FRMD3: variants seen among roughly 807,000 people sequenced by gnomAD.
The protein encoded by FRMD3 is FERM domain-containing protein 3.
Under a neutral mutation model 70.2 loss-of-function variants are expected in FRMD3, and 33 were observed. The ratio of observed to expected loss-of-function variants is 0.47; its 90% CI spans 0.36 to 0.63. The LOEUF (loss-of-function observed/expected upper bound fraction) is 0.63, where lower values mean the gene tolerates loss of function less well. Ranked by LOEUF, FRMD3 falls within the 20% of genes least tolerant of loss-of-function variation. The pLI, the probability that FRMD3 is intolerant of heterozygous loss-of-function variation, is 0.00. For missense variants in FRMD3, 632 were observed against 711.4 expected (o/e 0.89, Z 1.27); for synonymous variants, 279 against 255.9 (o/e 1.09, Z -0.86).
chr9:83,244,872 CACAG>C lies in FRMD3; in HGVS notation c.*3042_*3045del, dbSNP rs1188385833. The C allele has an allele frequency of 1.9e-5, 19 of 983,304 alleles. No individual in the cohort carries two copies. In the South Asian group the frequency reaches 2.3e-4, roughly 12 times the overall value. 60.9% of individuals were successfully genotyped at this position (983,304 alleles called of 1,614,324 possible). A position where few individuals can be genotyped will look rare whatever the true frequency, so the allele number is the denominator to read the frequency against. On this transcript the variant is annotated 3_prime_UTR_variant, in exon 14 of 14. Coordinates refer to ENST00000304195, the MANE Select transcript of FRMD3 (RefSeq NM_174938.6). Reference sequence around the variant, plus strand: ...ATAACATTTTACAATATTTTTCAAGCACAGACAAATACATACTTTACTTTACCTA... The same window carrying C: ...ATAACATTTTACAATATTTTTCAAGCACAAATACATACTTTACTTTACCTA...
chr9:83,383,534 T>C (rs1354401065), intron 2 of FRMD3, among the ~76,000 whole-genome samples: 2 of 152,258 alleles, frequency 1.3e-5, no homozygotes, highest in Non-Finnish European at 2.9e-5. Context: ...TAAGACTAAT[T>C]TGAAACTTCC....
chr9:83,480,011 G>A (rs1183004992), intron 1 of FRMD3, among the ~76,000 whole-genome samples: 1 of 152,106 alleles, frequency 6.6e-6, no homozygotes, highest in Non-Finnish European at 1.5e-5. Context: ...ATAAATTAGT[G>A]CAACCTTTGA....
downstream of FRMD3, among the ~76,000 whole-genome samples, chr9:83,244,112 G>A (rs11139994): frequency 0.22 from 31,972 of 147,342 alleles, 3,646 homozygotes; most frequent in Admixed American, 0.26. Context: ...TGGGCAACAA[G>A]AGCAAAACTC....
At position 83,364,193 on chromosome 9, in the gene FRMD3, C is replaced by T. The variant is rs543055597; in HGVS notation, c.295+8720G>A. 4.6e-5 allele frequency among the ~76,000 whole-genome samples: 7 copies of T among 152,260 alleles called. No homozygotes were observed. In the South Asian group the frequency reaches 1.5e-3, roughly 32 times the overall value. On this transcript the variant is annotated intron_variant, in intron 3 of 13. Coordinates refer to ENST00000304195, the MANE Select transcript of FRMD3 (RefSeq NM_174938.6). ...ATATTACTACTCGTTATATGTTTGGCAAATGTTCTTCCCATTATTTTCCCT... is the reference window on the plus strand; with the variant it reads ...ATATTACTACTCGTTATATGTTTGGTAAATGTTCTTCCCATTATTTTCCCT...
At chr9:83,559,830 T>C in the FRMD3 span, among the ~76,000 whole-genome samples, 1 of 152,094 alleles carries the variant, frequency 6.6e-6, no homozygotes, top group African/African-American at 2.4e-5. Flanking sequence ...AGAAGTGAAA[T>C]TGTTTCTCAT....
chr9:83,302,862 C>T (rs191363044), intron 10 of FRMD3, among the ~76,000 whole-genome samples: 38 of 152,300 alleles, frequency 2.5e-4, no homozygotes, highest in African/African-American at 2.4e-4. Context: ...AACAGCAATT[C>T]GCTCTCCTAC....
chr9:83,340,434 C>T (rs558098430), intron 5 of FRMD3, among the ~76,000 whole-genome samples: 4 of 152,234 alleles, frequency 2.6e-5, no homozygotes, highest in East Asian at 1.9e-4. Flanking sequence ...GAAAGAATGA[C>T]GTGCAGGAGG....
intron 13 of FRMD3, chr9:83,267,208 T>C (rs931332221): frequency 6.5e-7 from 1 of 1,548,996 alleles, no homozygotes; most frequent in African/African-American, 1.4e-5. Context: ...TAACAGTCCA[T>C]TCTGTTTTAA....
At chr9:83,276,196 A>T (rs1341931379) in intron 13 of FRMD3, 2 of 152,192 alleles carry the variant, frequency 1.3e-5, no homozygotes, top group African/African-American at 4.8e-5. Context: ...GAAATGGATA[A>T]CAACACTGAA....
intron 3 of FRMD3, among the ~76,000 whole-genome samples, chr9:83,371,680 C>T (rs1824978478): frequency 6.6e-6 from 1 of 152,206 alleles, no homozygotes; most frequent in Non-Finnish European, 1.5e-5. Context: ...TCCAGCCCCA[C>T]CCCAACTCTG....
At chr9:83,562,986 G>GAA in the FRMD3 span, among the ~76,000 whole-genome samples, 936 of 123,134 alleles carry the variant, frequency 7.6e-3, 13 homozygotes, top group African/African-American at 0.025. Context: ...GTGATTAAAT[G>GAA]AAAAAAAAAA....
chr9:83,546,904 A>AAAAAAAAAAAG, the FRMD3 span, among the ~76,000 whole-genome samples: 1 of 149,674 alleles, frequency 6.7e-6, no homozygotes, highest in Non-Finnish European at 1.5e-5. Flanking sequence ...AAAAAAAAAA[A>AAAAAAAAAAAG]GAGTATAGAT....
At chr9:83,437,175 T>C (rs961157455) in intron 1 of FRMD3, among the ~76,000 whole-genome samples, 2 of 152,250 alleles carry the variant, frequency 1.3e-5, no homozygotes, top group Non-Finnish European at 2.9e-5. Context: ...TAATATTTGC[T>C]AATCTTAAAG....
At position 83,435,757 on chromosome 9, in the gene FRMD3, T is replaced by C. The variant is rs576375050; in HGVS notation, c.148-46049A>G. ...AGAATGACTTTGTTTAAAATTGAGA[T>C]GTTTTTAGGGGCTTGTTTCAAATGG... On this transcript the variant is annotated intron_variant, in intron 1 of 13. Coordinates refer to ENST00000304195, the MANE Select transcript of FRMD3 (RefSeq NM_174938.6). Among the ~76,000 whole-genome samples the C allele has an allele frequency of 5.3e-5, 8 of 152,356 alleles. No individual in the cohort carries two copies. In the South Asian group the frequency reaches 1.4e-3, roughly 28 times the overall value.
chr9:83,377,497 A>T (rs1156819034), intron 2 of FRMD3, among the ~76,000 whole-genome samples: 2 of 151,880 alleles, frequency 1.3e-5, no homozygotes, highest in African/African-American at 4.9e-5. Context: ...GTGGGGCCTG[A>T]TGGGGAGTGA....
At chr9:83,503,993 G>T (rs1041401834) in intron 1 of FRMD3, among the ~76,000 whole-genome samples, 2 of 152,174 alleles carry the variant, frequency 1.3e-5, no homozygotes, top group Admixed American at 1.3e-4. Context: ...GGGCGGGAGT[G>T]GGGAGGTGGT....
chr9:83,298,999 G>C (rs1202321470), intron 11 of FRMD3, 113 bp downstream of exon 11: 2 of 958,758 alleles, frequency 2.1e-6, no homozygotes, highest in Middle Eastern at 4.2e-4. Flanking sequence ...AGTAGAAATG[G>C]AAGACTCAAA....
At chr9:83,320,056 G>A (rs1241320277) in intron 6 of FRMD3, among the ~76,000 whole-genome samples, 1 of 152,048 alleles carries the variant, frequency 6.6e-6, no homozygotes, top group Non-Finnish European at 1.5e-5. Flanking sequence ...AGAATCTTTT[G>A]GTAGCGATTT....
the FRMD3 span, among the ~76,000 whole-genome samples, chr9:83,571,372 G>A: frequency 3.3e-5 from 5 of 152,058 alleles, no homozygotes; most frequent in East Asian, 1.9e-4. Context: ...TATAAATTAC[G>A]GAGTCTCTGG....
Sources: allele counts gnomAD v4.1 joint callset (sites outside exome capture counted in the v4.1 genomes callset), GRCh38; gene constraint gnomAD v4.1.1; transcripts MANE v1.5; gene names NCBI Gene and HGNC (gene_info 2026-07-23, HGNC 2026-07-21).